The following ANO3 variants were observed in gnomAD, a reference collection of about 807,000 sequenced individuals.
The protein encoded by ANO3 is anoctamin-3.
A neutral mutation model predicts 144.8 loss-of-function variants in ANO3; 99 were observed. The observed-to-expected ratio is 0.68, with a 90% CI of 0.58 to 0.81. The LOEUF (loss-of-function observed/expected upper bound fraction) is 0.81. ANO3 is among the 30% of genes least tolerant of loss of function. The pLI is 0.00. For missense variants in ANO3, 905 were observed against 1,202.2 expected (o/e 0.75, Z 3.66); for synonymous variants, 414 against 392.6 (o/e 1.05, Z -0.64).
intron 10 of ANO3, among the ~76,000 whole-genome samples, chr11:26,538,177 C>T (rs544128069): frequency 1.4e-4 from 22 of 152,170 alleles, no homozygotes; most frequent in African/African-American, 4.1e-4. Context: ...TTGGCAGTGA[C>T]GTAAATGTTT....
At chr11:26,350,032 AGAGTTGGG>A (rs1344444491) in intron 1 of ANO3, among the ~76,000 whole-genome samples, 1 of 150,520 alleles carries the variant, frequency 6.6e-6, no homozygotes, top group East Asian at 1.9e-4. Flanking sequence ...ACGGGAAAGG[AGAGTTGGG>A]GAGGAGACAG....
intron 4 of ANO3, among the ~76,000 whole-genome samples, chr11:26,467,300 C>G (rs1301047673): frequency 6.6e-6 from 1 of 151,862 alleles, no homozygotes; most frequent in Non-Finnish European, 1.5e-5. Flanking sequence ...TACAAGCAAT[C>G]CAATTATACT....
chr11:26,539,369 C>T (rs1849589257), intron 10 of ANO3, among the ~76,000 whole-genome samples: 1 of 152,038 alleles, frequency 6.6e-6, no homozygotes, highest in Admixed American at 6.6e-5. Flanking sequence ...TCTCTTGCAG[C>T]CCATTGCATG....
intron 11 of ANO3, 102 bp downstream of exon 11, chr11:26,542,170 A>G (rs1849663484): frequency 2.3e-6 from 3 of 1,301,834 alleles, no homozygotes; most frequent in Middle Eastern, 2.9e-4. Context: ...GATGCAGTCT[A>G]CAAAAAAGCA....
At chr11:26,376,505 G>A (rs1430469129) in intron 1 of ANO3, among the ~76,000 whole-genome samples, 2 of 151,968 alleles carry the variant, frequency 1.3e-5, no homozygotes, top group African/African-American at 4.8e-5. Context: ...CAGCAGCTTG[G>A]TAAAGGGAAC....
At chr11:26,601,431 T>C (rs566534407) in intron 17 of ANO3, among the ~76,000 whole-genome samples, 1 of 152,344 alleles carries the variant, frequency 6.6e-6, no homozygotes, top group South Asian at 2.1e-4. Context: ...TTTGCTTTGC[T>C]CGGGTCCAGT....
intron 4 of ANO3, among the ~76,000 whole-genome samples, chr11:26,493,830 G>T (rs1359094003): frequency 6.6e-6 from 1 of 152,108 alleles, no homozygotes; most frequent in Non-Finnish European, 1.5e-5. Context: ...CCTAGGGACT[G>T]CCACCTGACA....
intron 17 of ANO3, among the ~76,000 whole-genome samples, chr11:26,608,498 A>G (rs1206034145): frequency 6.6e-6 from 1 of 152,090 alleles, no homozygotes; most frequent in Non-Finnish European, 1.5e-5. Context: ...CTGGAGGGGA[A>G]ACCCAGTCTT....
At chr11:26,456,362 TCAAA>T (rs1266453709) in intron 3 of ANO3, among the ~76,000 whole-genome samples, 1 of 152,014 alleles carries the variant, frequency 6.6e-6, no homozygotes. Context: ...TACAATGAAC[TCAAA>T]CAAATTTAGA....
At chr11:26,592,882 C>T (rs1327314846) in intron 14 of ANO3, among the ~76,000 whole-genome samples, 1 of 152,060 alleles carries the variant, frequency 6.6e-6, no homozygotes, top group Admixed American at 6.5e-5. Flanking sequence ...TATGTCCTCT[C>T]GTGAGTTTCC....
At chr11:26,427,757 G>C (rs1055933513) in intron 1 of ANO3, among the ~76,000 whole-genome samples, 2 of 151,764 alleles carry the variant, frequency 1.3e-5, no homozygotes, top group African/African-American at 2.4e-5. Flanking sequence ...AAGAAAAGAG[G>C]TTTAATTGAC....
At chr11:26,477,338 G>A in intron 4 of ANO3, among the ~76,000 whole-genome samples, 1 of 152,110 alleles carries the variant, frequency 6.6e-6, no homozygotes, top group East Asian at 1.9e-4. Flanking sequence ...ACTCCCACAG[G>A]TCTTGAATAT....
intron 1 of ANO3, among the ~76,000 whole-genome samples, chr11:26,340,968 C>A (rs1487970811): frequency 1.3e-5 from 2 of 152,090 alleles, no homozygotes; most frequent in African/African-American, 2.4e-5. Flanking sequence ...GTTGTTCAAT[C>A]GTGTCCCTTG....
chr11:26,593,091 T>A (rs1336315349), intron 14 of ANO3, among the ~76,000 whole-genome samples: 1 of 152,102 alleles, frequency 6.6e-6, no homozygotes, highest in African/African-American at 2.4e-5. Context: ...CTGCCACCTC[T>A]TTAGGTTTCT....
chr11:26,289,610 C>CGG (rs1564950584), intron 1 of ANO3, among the ~76,000 whole-genome samples: 21 of 79,326 alleles, frequency 2.6e-4, no homozygotes, highest in Non-Finnish European at 4.5e-4. Flanking sequence ...CATATACACA[C>CGG]ATATATTCTA....
At chr11:26,240,334 TA>T (rs1852636006) in intron 1 of ANO3, among the ~76,000 whole-genome samples, 2 of 152,186 alleles carry the variant, frequency 1.3e-5, no homozygotes, top group Non-Finnish European at 1.5e-5. Flanking sequence ...AAATTGCAAT[TA>T]AAGTACTAAT....
intron 13 of ANO3, among the ~76,000 whole-genome samples, chr11:26,556,737 T>C (rs933807137): frequency 6.6e-6 from 1 of 151,848 alleles, no homozygotes; most frequent in African/African-American, 2.4e-5. Flanking sequence ...GGTTTTACCC[T>C]GCCCAAGAGG....
chr11:26,620,399 T>C (rs933001486), intron 17 of ANO3, among the ~76,000 whole-genome samples: 2 of 150,026 alleles, frequency 1.3e-5, no homozygotes, highest in African/African-American at 4.9e-5. Flanking sequence ...ATTAGGCTAA[T>C]TAAATCATTT....
At chr11:26,469,963 G>A (rs1859722819) in intron 4 of ANO3, among the ~76,000 whole-genome samples, 1 of 151,864 alleles carries the variant, frequency 6.6e-6, no homozygotes, top group South Asian at 2.1e-4. Flanking sequence ...TAAACTATAA[G>A]CTATCATTTT....
Sources: gnomAD v4.1 joint callset for allele counts (sites outside exome capture counted in the v4.1 genomes callset) on GRCh38, gnomAD v4.1.1 for gene constraint, MANE v1.5 for transcripts, NCBI Gene and HGNC (gene_info 2026-07-23, HGNC 2026-07-21) for gene names.